Variants in IFT56 observed in about 807,000 individuals in gnomAD.
IFT56 encodes the protein intraflagellar transport protein 56.
the IFT56 span, chr7:139,168,633 AT>A: frequency 2.2e-6 from 1 of 457,358 alleles, no homozygotes; most frequent in Admixed American, 3.3e-5. Flanking sequence ...AAAGGGTCCA[AT>A]TTTTAAATAG....
chr7:139,168,579 A>C, the IFT56 span: 4 of 592,938 alleles, frequency 6.7e-6, no homozygotes, highest in South Asian at 3.9e-5. Context: ...CAAAAAAAAA[A>C]AACAAAAAAA....
chr7:139,162,535 TA>T, the IFT56 span, among the ~76,000 whole-genome samples: 5 of 152,190 alleles, frequency 3.3e-5, no homozygotes, highest in African/African-American at 1.2e-4. Context: ...AAGTGGTTGT[TA>T]AAAAACATCA....
chr7:139,173,440 G>A, the IFT56 span: 6 of 568,128 alleles, frequency 1.1e-5, no homozygotes, highest in African/African-American at 7.7e-5. Flanking sequence ...TGTTGGCCAG[G>A]CTGGTCTCCA....
the IFT56 span, among the ~76,000 whole-genome samples, chr7:139,186,786 A>T: frequency 6.6e-6 from 1 of 152,190 alleles, no homozygotes; most frequent in Non-Finnish European, 1.5e-5. Flanking sequence ...GAAGACAATT[A>T]GAAGAAAAGG....
chr7:139,168,327 T>G, the IFT56 span: 1 of 1,577,286 alleles, frequency 6.3e-7, no homozygotes, highest in African/African-American at 1.3e-5. Context: ...TTAATCAGTG[T>G]TATTCCATGT....
At chr7:139,187,375 C>A in the IFT56 span, 2 of 1,608,290 alleles carry the variant, frequency 1.2e-6, no homozygotes, top group African/African-American at 1.3e-5. Context: ...CTCTTTACTG[C>A]AAGTATTACC....
the IFT56 span, chr7:139,134,787 T>C: frequency 6.2e-7 from 1 of 1,613,062 alleles, no homozygotes; most frequent in South Asian, 1.1e-5. Flanking sequence ...TATTACCCTG[T>C]TGGAGGTAAT....
the IFT56 span, chr7:139,165,106 T>A: frequency 6.4e-7 from 1 of 1,574,636 alleles, no homozygotes; most frequent in Non-Finnish European, 8.7e-7. Context: ...ATTGTTGCCA[T>A]AATAGCATGA....
At chr7:139,166,517 A>T in the IFT56 span, among the ~76,000 whole-genome samples, 5 of 150,686 alleles carry the variant, frequency 3.3e-5, no homozygotes, top group Non-Finnish European at 7.4e-5. Context: ...CTATATACTT[A>T]ATATATATAT....
the IFT56 span, among the ~76,000 whole-genome samples, chr7:139,168,762 TTGTTTCTC>T: frequency 6.6e-6 from 1 of 152,060 alleles, no homozygotes; most frequent in Admixed American, 6.6e-5. Context: ...GTAGGGAAAA[TTGTTTCTC>T]TGGAGAAGTT....
chr7:139,160,914 T>A, the IFT56 span: 1 of 1,555,836 alleles, frequency 6.4e-7, no homozygotes. Flanking sequence ...TATACACTTG[T>A]CATTTTCATA....
chr7:139,134,542 A>G, the IFT56 span: 3 of 1,211,206 alleles, frequency 2.5e-6, no homozygotes, highest in Non-Finnish European at 3.3e-6. Flanking sequence ...TGCTGGGATT[A>G]CAGGCATGAG....
chr7:139,178,561 C>T, the IFT56 span: 2 of 1,614,098 alleles, frequency 1.2e-6, no homozygotes, highest in East Asian at 2.2e-5. Context: ...TATGCCCAAG[C>T]CAAAGCTGCA....
chr7:139,141,067 T>C, the IFT56 span, among the ~76,000 whole-genome samples: 3 of 151,500 alleles, frequency 2.0e-5, no homozygotes, highest in Non-Finnish European at 4.4e-5. Flanking sequence ...GAGACCATCC[T>C]GGCTAACATG....
At chr7:139,169,624 G>A in the IFT56 span, among the ~76,000 whole-genome samples, 8 of 152,322 alleles carry the variant, frequency 5.3e-5, no homozygotes, top group African/African-American at 1.9e-4. Context: ...TTTTTACTGA[G>A]TTTTCAAGAG....
chr7:139,172,948 G>C, the IFT56 span: 2 of 725,918 alleles, frequency 2.8e-6, no homozygotes, highest in East Asian at 5.4e-5. Flanking sequence ...ACTGGCGGAT[G>C]TGTCCTGCTG....
chr7:139,145,918 C>T, the IFT56 span, among the ~76,000 whole-genome samples: 1 of 152,112 alleles, frequency 6.6e-6, no homozygotes, highest in Non-Finnish European at 1.5e-5. Flanking sequence ...AAATTGCATA[C>T]ACACAAAAAT....
At chr7:139,181,277 G>A in the IFT56 span, 1 of 1,100,794 alleles carries the variant, frequency 9.1e-7, no homozygotes, top group Non-Finnish European at 1.3e-6. Context: ...AGGGGAAAAT[G>A]TCCTGCAGAC....
chr7:139,178,372 C>T, the IFT56 span: 1 of 1,479,646 alleles, frequency 6.8e-7, no homozygotes, highest in Non-Finnish European at 9.4e-7. Flanking sequence ...AGATAAGATA[C>T]CCTTAGAGAT....
Sources: allele counts gnomAD v4.1 joint callset (sites outside exome capture counted in the v4.1 genomes callset), GRCh38; gene constraint gnomAD v4.1.1; transcripts MANE v1.5; gene names NCBI Gene and HGNC (gene_info 2026-07-23, HGNC 2026-07-21).